The following KAT6B variants were observed in gnomAD, a reference collection of about 807,000 sequenced individuals.
KAT6B encodes the protein histone acetyltransferase KAT6B.
KAT6B carries 10 observed loss-of-function variants against 187.5 expected under a neutral mutation model. The ratio of observed to expected loss-of-function variants is 0.05; its 90% CI spans 0.03 to 0.09. KAT6B has a LOEUF of 0.09. KAT6B is among the 10% of genes least tolerant of loss of function. KAT6B has a pLI of 1.00. For missense variants in KAT6B, 1,952 were observed against 2,558.9 expected (o/e 0.76, Z 5.12); for synonymous variants, 861 against 926.8 (o/e 0.93, Z 1.29).
chr10:74,847,210 G>A (rs1842170655), intron 3 of KAT6B, among the ~76,000 whole-genome samples: 1 of 152,174 alleles, frequency 6.6e-6, no homozygotes, highest in Non-Finnish European at 1.5e-5. Flanking sequence ...TTAGCATCAT[G>A]CTATAATGAG....
At chr10:74,911,351 A>G (rs968951444) in intron 3 of KAT6B, among the ~76,000 whole-genome samples, 4 of 150,564 alleles carry the variant, frequency 2.7e-5, no homozygotes, top group Non-Finnish European at 5.9e-5. Context: ...ACTCACTGCA[A>G]CCTCCTCCAG....
chr10:74,977,848 C>T (rs532306826), intron 9 of KAT6B, among the ~76,000 whole-genome samples: 90 of 152,166 alleles, frequency 5.9e-4, no homozygotes, highest in Non-Finnish European at 8.2e-4. Flanking sequence ...TGAAAAATGT[C>T]TCATATTTTT....
chr10:74,997,241 T>G (rs1223691417), intron 13 of KAT6B, among the ~76,000 whole-genome samples: 5 of 68,412 alleles, frequency 7.3e-5, no homozygotes, highest in Non-Finnish European at 9.1e-5. Flanking sequence ...CACCCCCCCA[T>G]TCCCCTCCTT....
chr10:74,885,541 A>G (rs1845177571), intron 3 of KAT6B, among the ~76,000 whole-genome samples: 1 of 152,204 alleles, frequency 6.6e-6, no homozygotes, highest in Non-Finnish European at 1.5e-5. Context: ...TATGCTAGAT[A>G]TGAACTTTGG....
chr10:74,943,301 A>G (rs1013086823), intron 3 of KAT6B, among the ~76,000 whole-genome samples: 1 of 152,216 alleles, frequency 6.6e-6, no homozygotes, highest in African/African-American at 2.4e-5. Flanking sequence ...ACTGTAAAGC[A>G]TTATTGAAAG....
chr10:74,911,804 T>A (rs1390296467), intron 3 of KAT6B, among the ~76,000 whole-genome samples: 2 of 152,100 alleles, frequency 1.3e-5, no homozygotes, highest in African/African-American at 4.8e-5. Flanking sequence ...ACTGTTTCAT[T>A]TTTAAATTTA....
At chr10:74,992,991 A>G (rs1316000458) in intron 13 of KAT6B, among the ~76,000 whole-genome samples, 1 of 152,194 alleles carries the variant, frequency 6.6e-6, no homozygotes, top group Non-Finnish European at 1.5e-5. Flanking sequence ...TCCCTTTCTC[A>G]GTCAGAAAAT....
chr10:74,967,226 A>G (rs2133616358), intron 4 of KAT6B, among the ~76,000 whole-genome samples: 1 of 151,724 alleles, frequency 6.6e-6, no homozygotes, highest in East Asian at 1.9e-4. Flanking sequence ...GCTACTAAGG[A>G]GGCTGAGGCG....
At chr10:74,861,377 CT>C (rs555392988) in intron 3 of KAT6B, among the ~76,000 whole-genome samples, 62 of 152,180 alleles carry the variant, frequency 4.1e-4, no homozygotes, top group Non-Finnish European at 7.6e-4. Context: ...GTGATCATCA[CT>C]TTTAGAGCAA....
At position 75,031,561 on chromosome 10, in the gene KAT6B, T is replaced by A. The variant is rs950854011; in HGVS notation, c.*515T>A. The A allele has an allele frequency of 4.5e-6, 1 of 224,328 alleles. No individual in the cohort carries two copies. Among genetic ancestry groups the A allele is most frequent in the African/African-American group, 2.2e-5 (1 of 44,688 alleles). The allele number at this position is 224,328 out of a possible 1,614,324, so 13.9% of individuals were successfully genotyped here. A position where few individuals can be genotyped will look rare whatever the true frequency, so the allele number is the denominator to read the frequency against. On this transcript the variant is annotated 3_prime_UTR_variant, in exon 18 of 18. Transcript: ENST00000287239. ...TACTGTACAAGTGTTGTGCTAACAG[T>A]AAGCCATTTCTTAAGTTTTTTGCCT...
chr10:74,931,079 C>T (rs1340575846), intron 3 of KAT6B, among the ~76,000 whole-genome samples: 2 of 152,184 alleles, frequency 1.3e-5, no homozygotes, highest in South Asian at 4.1e-4. Context: ...CAGATGGAAG[C>T]AGAAGTGCCT....
At chr10:74,929,505 A>T (rs1230204156) in intron 3 of KAT6B, among the ~76,000 whole-genome samples, 1 of 152,240 alleles carries the variant, frequency 6.6e-6, no homozygotes, top group Non-Finnish European at 1.5e-5. Flanking sequence ...CATATACAGG[A>T]CATAGTCCAA....
chr10:75,000,900 T>TA (rs1395320102), intron 13 of KAT6B, among the ~76,000 whole-genome samples: 1 of 152,142 alleles, frequency 6.6e-6, no homozygotes, highest in Non-Finnish European at 1.5e-5. Context: ...GTGTGCTATT[T>TA]AAAAACTGAG....
chr10:74,846,064 A>T (rs1301699723), intron 3 of KAT6B, among the ~76,000 whole-genome samples: 1 of 151,866 alleles, frequency 6.6e-6, no homozygotes, highest in Non-Finnish European at 1.5e-5. Context: ...AGGTTTCTCG[A>T]TGTTGCCCAG....
At chr10:75,011,287 A>G (rs1338802056) in intron 13 of KAT6B, among the ~76,000 whole-genome samples, 1 of 152,210 alleles carries the variant, frequency 6.6e-6, no homozygotes, top group East Asian at 1.9e-4. Context: ...TTAAAAATAA[A>G]TGTGTTTTTC....
At position 75,030,763 on chromosome 10, in the gene KAT6B, ACT is replaced by A; in HGVS notation, c.5942_5943del (p.Ser1981CysfsTer64). 1 of 1,614,164 alleles carries A rather than the reference ACT, an allele frequency of 6.2e-7. No individual in the cohort carries two copies. Among genetic ancestry groups the A allele is most frequent in the Non-Finnish European group, 8.5e-7 (1 of 1,180,028 alleles). On this transcript the variant is annotated frameshift_variant, in exon 18 of 18. Transcript: ENST00000287239. LOFTEE classifies it high-confidence loss of function. The surrounding 1 kb of genome is among the most constrained non-coding windows in gnomAD (Gnocchi z 4.8). ...ATGCCAGCGCCAGCCTACAATGTCA[ACT>A]CTGTGAACATGAACATGAACACTCT... is the stretch of plus-strand genomic sequence containing the variant.
chr10:74,853,697 G>A (rs1589476690), intron 3 of KAT6B, among the ~76,000 whole-genome samples: 1 of 148,770 alleles, frequency 6.7e-6, no homozygotes, highest in South Asian at 2.1e-4. Context: ...GCATGGTCTC[G>A]GCTCACTGCA....
intron 3 of KAT6B, among the ~76,000 whole-genome samples, chr10:74,865,626 C>T (rs543096818): frequency 7.6e-4 from 116 of 152,102 alleles, no homozygotes; most frequent in Middle Eastern, 3.4e-3. Context: ...AGCGATTCTC[C>T]TGGCTCAGTC....
chr10:74,947,383 C>CCCCCATAA (rs1464195385), intron 3 of KAT6B, among the ~76,000 whole-genome samples: 1 of 152,116 alleles, frequency 6.6e-6, no homozygotes, highest in Non-Finnish European at 1.5e-5. Flanking sequence ...TGTGTATTTC[C>CCCCCATAA]CCCCATAACC....
Sources: gnomAD v4.1 joint callset for allele counts (sites outside exome capture counted in the v4.1 genomes callset) on GRCh38, gnomAD v4.1.1 for gene constraint, Gnocchi (gnomAD v3.1) non-coding constraint, MANE v1.5 for transcripts, NCBI Gene and HGNC (gene_info 2026-07-23, HGNC 2026-07-21) for gene names.